Variants in MAEL observed in about 807,000 individuals in gnomAD.
MAEL encodes maelstrom spermatogenic transposon silencer.
Under a neutral mutation model 62.0 loss-of-function variants are expected in MAEL, and 46 were observed. That is an observed-to-expected ratio of 0.74 (90% confidence interval 0.59 to 0.95). MAEL has a LOEUF of 0.95. Ranked by LOEUF, MAEL falls within the 40% of genes least tolerant of loss-of-function variation. The pLI, the probability that MAEL is intolerant of heterozygous loss-of-function variation, is 0.00. For synonymous variants in MAEL, 172 were observed against 175.5 expected (o/e 0.98, Z 0.16); for missense variants, 497 against 526.8 (o/e 0.94, Z 0.55).
chr1:167,012,921 T>G (rs1665231065), intron 8 of MAEL, among the ~76,000 whole-genome samples: 1 of 152,102 alleles, frequency 6.6e-6, no homozygotes, highest in Non-Finnish European at 1.5e-5. Context: ...AGAAAAAGTT[T>G]TAAACGTGCA....
intron 5 of MAEL, among the ~76,000 whole-genome samples, chr1:166,996,398 C>T (rs1664428181): frequency 6.6e-6 from 1 of 152,202 alleles, no homozygotes; most frequent in South Asian, 2.1e-4. Context: ...CTCCAATTTA[C>T]TGGTTAATGA....
At chr1:167,013,813 T>C (rs951306597) in intron 8 of MAEL, among the ~76,000 whole-genome samples, 1 of 152,210 alleles carries the variant, frequency 6.6e-6, no homozygotes, top group South Asian at 2.1e-4. Context: ...AGATGTTTAG[T>C]TGGAGGCAAA....
intron 1 of MAEL, among the ~76,000 whole-genome samples, chr1:166,983,657 GA>G: frequency 6.6e-6 from 1 of 152,090 alleles, no homozygotes; most frequent in Non-Finnish European, 1.5e-5. Flanking sequence ...GGAAAATGGG[GA>G]AAGCTGTTCT....
Position 167,017,841 on chromosome 1 carries a change from A to T in MAEL, c.923A>T (p.Asn308Ile). ...TTCTTTTAAAGGTACTGCATCAGTA[A>T]TTCTCTGGCCACTCTCTTTGGAATC... ...VCKKIAYCIS[N>I]SLATLFGIQL... is the part of the protein sequence containing the mutation. Residue 308 changes from asparagine (N) to isoleucine (I), a missense_variant, in exon 10 of 12, where the codon AAT becomes ATT. By Grantham distance (149) the Asn-to-Ile change is moderately radical. Coordinates refer to ENST00000367872, the MANE Select transcript of MAEL (RefSeq NM_032858.3). 6.2e-7 allele frequency: 1 copy of T among 1,611,814 alleles called. No homozygotes were observed. Among genetic ancestry groups the T allele is most frequent in the Non-Finnish European group, 8.5e-7 (1 of 1,178,724 alleles).
chr1:167,011,030 G>A (rs1665151048), intron 8 of MAEL, among the ~76,000 whole-genome samples: 1 of 151,472 alleles, frequency 6.6e-6, no homozygotes, highest in Admixed American at 6.6e-5. Context: ...ATTTCTAAAG[G>A]GCCCTTCCCC....
chr1:166,987,203 C>T (rs901544755), upstream of MAEL, among the ~76,000 whole-genome samples: 9 of 152,150 alleles, frequency 5.9e-5, no homozygotes, highest in South Asian at 2.1e-4. Flanking sequence ...TCCCCACCTC[C>T]GGGCTCCAGG....
chr1:166,976,037 C>T (rs540939030), intron 1 of MAEL, among the ~76,000 whole-genome samples: 10 of 152,308 alleles, frequency 6.6e-5, no homozygotes, highest in African/African-American at 2.4e-4. Context: ...TGCAAGGAAC[C>T]AGGCAAGAGG....
rs180806108 is a variant in MAEL, at chr1:166,989,721, C to T, written c.133-16C>T. 7.4e-4 allele frequency: 1,191 copies of T among 1,611,452 alleles called. 7 individuals carry two copies. The Middle Eastern group carries it at 0.024, about 33-fold the overall frequency. On this transcript the variant is annotated splice_polypyrimidine_tract_variant and intron_variant, in intron 1 of 11. Transcript: ENST00000367872. The stretch of plus-strand genomic sequence containing the variant: ...TCACGGCTGTTTCTCTTCTTTGCTC[C>T]TTCAATCCCCAAAAGCTTCTGAGGG...
At position 166,989,756 on chromosome 1, in the gene MAEL, A is replaced by G. The variant is rs1381587369; in HGVS notation, c.152A>G (p.Lys51Arg). ...CAAAAGCTTCTGAGGGAGGAAGAAAAGGAGAAATACGCAGAAATGGCTCGA... is the reference window on the plus strand; with the variant it reads ...CAAAAGCTTCTGAGGGAGGAAGAAAGGGAGAAATACGCAGAAATGGCTCGA... ...SDWALLREEE[K>R]EKYAEMAREW... The change falls in exon 2 of 12, where the codon AAG (lysine) becomes AGG (arginine). Residue 51 changes from lysine (K) to arginine (R), a missense_variant. Lys to Arg is a conservative substitution (Grantham distance 26, BLOSUM62 2). Transcript: ENST00000367872. 6.2e-7 allele frequency: 1 copy of G among 1,613,924 alleles called. No individual in the cohort carries two copies. Among genetic ancestry groups the G allele is most frequent in the South Asian group, 1.1e-5 (1 of 90,982 alleles).
At chr1:167,005,515 G>A in intron 8 of MAEL, 118 bp downstream of exon 8, 2 of 827,774 alleles carry the variant, frequency 2.4e-6, no homozygotes, top group South Asian at 2.1e-5. Context: ...TGGAATCATT[G>A]TATTTCCCTG....
chr1:167,012,585 TAAAG>T (rs1414251586), intron 8 of MAEL: 1 of 152,146 alleles, frequency 6.6e-6, no homozygotes, highest in African/African-American at 2.4e-5. Context: ...CAGTACATAA[TAAAG>T]AAAATGGTAA....
chr1:167,015,510 C>T (rs1364073673), intron 8 of MAEL, among the ~76,000 whole-genome samples: 1 of 152,276 alleles, frequency 6.6e-6, no homozygotes, highest in African/African-American at 2.4e-5. Flanking sequence ...TGCTCTGAGT[C>T]TTAATAGACT....
chr1:167,014,767 A>T (rs908526648), intron 8 of MAEL, among the ~76,000 whole-genome samples: 16 of 152,328 alleles, frequency 1.1e-4, no homozygotes, highest in African/African-American at 3.6e-4. Flanking sequence ...TCATGCCTGT[A>T]ATCCCAGCAC....
intron 1 of MAEL, among the ~76,000 whole-genome samples, chr1:166,975,840 G>C (rs939504137): frequency 1.3e-5 from 2 of 152,112 alleles, no homozygotes; most frequent in Admixed American, 6.5e-5. Flanking sequence ...CTGGGGACTC[G>C]AGCAGGGGAG....
At chr1:166,994,974 A>AT (rs944951589) in intron 5 of MAEL, among the ~76,000 whole-genome samples, 16,153 of 110,056 alleles carry the variant, frequency 0.15, 1,157 homozygotes, top group Non-Finnish European at 0.16. Context: ...CCACCCAGTA[A>AT]TTTTTTTTTT....
At chr1:167,005,795 A>C (rs762814504) in intron 8 of MAEL, among the ~76,000 whole-genome samples, 26 of 152,212 alleles carry the variant, frequency 1.7e-4, no homozygotes, top group Non-Finnish European at 3.2e-4. Context: ...AAAGTTTACT[A>C]TTCTCTGTTT....
At chr1:167,017,644 A>G (rs1337064150) in intron 9 of MAEL, among the ~76,000 whole-genome samples, 183 bp from the exon 10 acceptor site, 1 of 152,208 alleles carries the variant, frequency 6.6e-6, no homozygotes, top group Non-Finnish European at 1.5e-5. Flanking sequence ...CTTAGCAGTA[A>G]TAACCTGTTT....
chr1:167,008,946 G>A (rs1399932442), intron 8 of MAEL, among the ~76,000 whole-genome samples: 1 of 133,344 alleles, frequency 7.5e-6, no homozygotes, highest in Non-Finnish European at 1.6e-5. Flanking sequence ...TGGTCTTTGG[G>A]GTTTTTTTGC....
chr1:166,997,042 G>A (rs1300672234), intron 5 of MAEL, among the ~76,000 whole-genome samples: 1 of 152,180 alleles, frequency 6.6e-6, no homozygotes, highest in Non-Finnish European at 1.5e-5. Context: ...TGGCCAGGCT[G>A]GTCTTGAACT....
Sources: allele counts gnomAD v4.1 joint callset (sites outside exome capture counted in the v4.1 genomes callset), GRCh38; gene constraint gnomAD v4.1.1; transcripts MANE v1.5; gene names NCBI Gene and HGNC (gene_info 2026-07-23, HGNC 2026-07-21).